The following ITPRID1 variants were observed in gnomAD, a reference collection of about 807,000 sequenced individuals.
ITPRID1 encodes the protein protein ITPRID1.
In ITPRID1, 96 loss-of-function variants were observed where a neutral mutation model predicts 95.4. That is an observed-to-expected ratio of 1.01 (90% CI 0.85 to 1.19). ITPRID1 has a LOEUF of 1.19. Ranked by LOEUF, ITPRID1 falls within the 50% of genes most tolerant of loss-of-function variation. The pLI, the probability that ITPRID1 is intolerant of heterozygous loss-of-function variation, is 0.00. For missense variants in ITPRID1, 1,339 were observed against 1,252.9 expected (o/e 1.07, Z -1.04); for synonymous variants, 510 against 453.6 (o/e 1.12, Z -1.58).
chr7:31,566,857 T>A (rs907349248), intron 5 of ITPRID1, among the ~76,000 whole-genome samples: 1 of 152,196 alleles, frequency 6.6e-6, no homozygotes. Flanking sequence ...GGATTAGCCA[T>A]GCCTGCCTAG....
At chr7:31,553,218 C>T (rs1294545177) in intron 3 of ITPRID1, 31 bp downstream of exon 3, 12 of 1,536,410 alleles carry the variant, frequency 7.8e-6, no homozygotes, top group Non-Finnish European at 1.1e-5. Context: ...TATTTGAAAA[C>T]ATTCCTCTGT....
chr7:31,597,059 T>C (rs973207278), intron 10 of ITPRID1, among the ~76,000 whole-genome samples: 1 of 151,848 alleles, frequency 6.6e-6, no homozygotes, highest in Non-Finnish European at 1.5e-5. Flanking sequence ...AAAAGAAATA[T>C]AACAAAATGT....
Position 31,643,589 on chromosome 7 carries a change from G to A in ITPRID1, c.2219G>A (p.Cys740Tyr). The A allele has an allele frequency of 6.2e-7, 1 of 1,614,034 alleles. No homozygotes were observed. The highest frequency in any genetic ancestry group is 1.7e-5 in the Admixed American group (1 of 60,024). ...GGAACATCTTTAGAATGCACTGTGT[G>A]TGATCCTGTTACCGCAACAGAAACA... Reference protein sequence around the residue: ...PRGTSLECTVCDPVTATETRL... With the variant: ...PRGTSLECTVYDPVTATETRL... Residue 740 changes from cysteine to tyrosine, a missense_variant, in exon 12 of 15, where the codon TGT (cysteine) becomes TAT (tyrosine). Coordinates refer to ENST00000615280, the MANE Select transcript of ITPRID1 (RefSeq NM_001257967.3).
chr7:31,583,061 T>C lies in ITPRID1; in HGVS notation c.1171-73T>C, dbSNP rs981361505. The stretch of plus-strand genomic sequence containing the variant: ...TCCCTCTTATCAGTTGCCAGTCTTA[T>C]TATATGTTGATTAAAATAAGTGAAT... On this transcript the variant is annotated intron_variant, in intron 9 of 14. Coordinates refer to ENST00000615280, the MANE Select transcript of ITPRID1 (RefSeq NM_001257967.3). 2.0e-5 allele frequency: 22 copies of C among 1,086,482 alleles called. No individual in the cohort carries two copies. In the African/African-American group the frequency reaches 2.5e-4, roughly 12 times the overall value. The allele number at this position is 1,086,482 out of a possible 1,614,324, so 67.3% of individuals were successfully genotyped here.
intron 10 of ITPRID1, among the ~76,000 whole-genome samples, chr7:31,629,204 G>A (rs1470057207): frequency 6.6e-6 from 1 of 152,032 alleles, no homozygotes; most frequent in Non-Finnish European, 1.5e-5. Flanking sequence ...ATTCAAAATC[G>A]GATCTGCCCT....
At chr7:31,616,503 G>C (rs1787243586) in intron 10 of ITPRID1, among the ~76,000 whole-genome samples, 1 of 151,932 alleles carries the variant, frequency 6.6e-6, no homozygotes, top group Non-Finnish European at 1.5e-5. Flanking sequence ...GTACAGTATG[G>C]GGGTGGGACC....
intron 1 of ITPRID1, among the ~76,000 whole-genome samples, chr7:31,548,974 C>T (rs1355678166): frequency 6.6e-6 from 1 of 151,994 alleles, no homozygotes; most frequent in Non-Finnish European, 1.5e-5. Flanking sequence ...CAAGGCAAGC[C>T]TGGACACTAT....
At chr7:31,620,878 AT>A (rs1787808627) in intron 10 of ITPRID1, among the ~76,000 whole-genome samples, 1 of 152,078 alleles carries the variant, frequency 6.6e-6, no homozygotes, top group African/African-American at 2.4e-5. Context: ...AGACGAATGT[AT>A]AACTAGAATA....
intron 12 of ITPRID1, among the ~76,000 whole-genome samples, chr7:31,645,015 G>A (rs1040790446): frequency 2.2e-4 from 34 of 152,044 alleles, no homozygotes; most frequent in African/African-American, 7.2e-4. Flanking sequence ...ATAAATATTT[G>A]TTGGGCTCCT....
At chr7:31,557,317 C>T (rs1784480715) in intron 5 of ITPRID1, among the ~76,000 whole-genome samples, 1 of 152,070 alleles carries the variant, frequency 6.6e-6, no homozygotes, top group African/African-American at 2.4e-5. Context: ...CTTCATCTTA[C>T]AGGTGACCCA....
chr7:31,615,229 A>T (rs1411176943), intron 10 of ITPRID1, among the ~76,000 whole-genome samples: 1 of 152,142 alleles, frequency 6.6e-6, no homozygotes, highest in East Asian at 1.9e-4. Flanking sequence ...CTGACTAGTG[A>T]AAAATCAAAG....
At chr7:31,578,923 C>T (rs13223681) in intron 9 of ITPRID1, among the ~76,000 whole-genome samples, 28,009 of 151,970 alleles carry the variant, frequency 0.18, 2,961 homozygotes, top group East Asian at 0.23. Context: ...CCTTTAGGGC[C>T]GGGGGTGTGT....
At chr7:31,573,806 CTA>C (rs1448500921) in intron 7 of ITPRID1, among the ~76,000 whole-genome samples, 1 of 149,920 alleles carries the variant, frequency 6.7e-6, no homozygotes, top group African/African-American at 2.4e-5. Flanking sequence ...TGTAATATGT[CTA>C]TAATTATAAC....
chr7:31,644,223 C>T (rs1176387027), intron 12 of ITPRID1, among the ~76,000 whole-genome samples: 4 of 152,204 alleles, frequency 2.6e-5, no homozygotes, highest in Non-Finnish European at 5.9e-5. Flanking sequence ...AGGGGTAGAG[C>T]CATGCATTCA....
intron 10 of ITPRID1, among the ~76,000 whole-genome samples, chr7:31,620,167 C>T (rs940109058): frequency 6.6e-5 from 10 of 152,180 alleles, no homozygotes; most frequent in Non-Finnish European, 1.5e-4. Context: ...GCAGGCTCCA[C>T]CTCTGGGGGC....
intron 10 of ITPRID1, among the ~76,000 whole-genome samples, chr7:31,613,338 G>A (rs918220553): frequency 7.2e-5 from 11 of 151,982 alleles, no homozygotes; most frequent in African/African-American, 2.7e-4. Flanking sequence ...TTAATTTCTA[G>A]GGTTTTGAAA....
In ITPRID1 at chr7:31,652,407, C is replaced by G. The variant is rs182478080; in HGVS notation, c.2824-111C>G. On this transcript the variant is annotated intron_variant, in intron 14 of 14. Coordinates refer to ENST00000615280, the MANE Select transcript of ITPRID1 (RefSeq NM_001257967.3). Reference sequence around the variant, plus strand: ...CAGAATCTGCTGCTGGCTCAAAGAGCCCATTCTAGAGAATCGACCACCTCA... The same window carrying G: ...CAGAATCTGCTGCTGGCTCAAAGAGGCCATTCTAGAGAATCGACCACCTCA... 989 of 1,443,432 alleles carry G rather than the reference C, an allele frequency of 6.9e-4. 1 individual carries two copies. Among genetic ancestry groups the G allele is most frequent in the Admixed American group, 2.5e-3 (94 of 38,194 alleles). The allele number at this position is 1,443,432 out of a possible 1,614,324, so 89.4% of individuals were successfully genotyped here.
intron 5 of ITPRID1, among the ~76,000 whole-genome samples, chr7:31,563,753 A>G (rs1198738092): frequency 1.3e-5 from 2 of 152,100 alleles, no homozygotes; most frequent in African/African-American, 4.8e-5. Flanking sequence ...GAGGGTTTAC[A>G]ATAGGGGGCG....
intron 1 of ITPRID1, among the ~76,000 whole-genome samples, chr7:31,516,903 C>G (rs1783059695): frequency 6.6e-6 from 1 of 152,094 alleles, no homozygotes; most frequent in Admixed American, 6.5e-5. Flanking sequence ...AATGGTGTGT[C>G]CAGAGTTTGT....
Sources: allele counts gnomAD v4.1 joint callset (sites outside exome capture counted in the v4.1 genomes callset), GRCh38; gene constraint gnomAD v4.1.1; transcripts MANE v1.5; gene names NCBI Gene and HGNC (gene_info 2026-07-23, HGNC 2026-07-21).